The following NUP35 variants were observed in gnomAD, a reference collection of about 807,000 sequenced individuals.
The protein encoded by NUP35 is nucleoporin NUP35.
Under a neutral mutation model 41.5 loss-of-function variants are expected in NUP35, and 25 were observed. The ratio of observed to expected loss-of-function variants is 0.60; its 90% confidence interval spans 0.44 to 0.84. The LOEUF (loss-of-function observed/expected upper bound fraction) is 0.84, where lower values mean the gene tolerates loss of function less well. NUP35 is among the 40% of genes least tolerant of loss of function. The probability of loss-of-function intolerance (pLI) is 0.00; values close to 1 mark genes in which losing one functional copy is unlikely to be tolerated. For missense variants in NUP35, 396 were observed against 396.6 expected (o/e 1.00, Z 0.01); for synonymous variants, 149 against 130.7 (o/e 1.14, Z -0.96).
intron 4 of NUP35, among the ~76,000 whole-genome samples, chr2:183,150,861 T>C (rs371656217): frequency 6.6e-6 from 1 of 152,222 alleles, no homozygotes; most frequent in Non-Finnish European, 1.5e-5. Flanking sequence ...TTCTCTCAAA[T>C]GTATAGCCTT....
intron 3 of NUP35, chr2:183,130,935 C>G (rs965752648): frequency 8.7e-7 from 1 of 1,146,560 alleles, no homozygotes; most frequent in African/African-American, 1.6e-5. Context: ...TCATCTAGAT[C>G]TAGGGCACTC....
intron 1 of NUP35, among the ~76,000 whole-genome samples, chr2:183,125,165 G>T (rs1684403892): frequency 6.6e-6 from 1 of 151,852 alleles, no homozygotes; most frequent in South Asian, 2.1e-4. Flanking sequence ...TTTTTCTCTA[G>T]TAAGTCACGA....
chr2:183,129,562 T>C (rs757741809), intron 2 of NUP35, among the ~76,000 whole-genome samples: 4 of 152,246 alleles, frequency 2.6e-5, no homozygotes, highest in African/African-American at 7.2e-5. Flanking sequence ...TATTTTATTA[T>C]GGTAGCCAAC....
intron 1 of NUP35, among the ~76,000 whole-genome samples, chr2:183,118,159 A>C (rs1700014659): frequency 6.6e-6 from 1 of 152,208 alleles, no homozygotes. Flanking sequence ...CTATGATGAA[A>C]TCTGATGTCC....
At chr2:183,133,222 C>G (rs1164630326) in intron 3 of NUP35, among the ~76,000 whole-genome samples, 2 of 151,898 alleles carry the variant, frequency 1.3e-5, no homozygotes, top group African/African-American at 4.8e-5. Context: ...TCTGTATGAA[C>G]CTGGTCATTT....
At chr2:183,159,742 T>A in intron 8 of NUP35, 90 bp downstream of exon 8, 1 of 1,044,736 alleles carries the variant, frequency 9.6e-7, no homozygotes, top group Non-Finnish European at 1.4e-6. Context: ...TTGTATGCCA[T>A]TAAATGTTTC....
upstream of NUP35, chr2:183,123,696 A>C: frequency 3.3e-6 from 2 of 602,526 alleles, no homozygotes; most frequent in Non-Finnish European, 4.2e-6. Flanking sequence ...TTACACACAC[A>C]TATGCAGAAT....
chr2:183,136,656 A>G (rs571625234), intron 4 of NUP35, among the ~76,000 whole-genome samples: 19 of 152,320 alleles, frequency 1.2e-4, no homozygotes, highest in African/African-American at 4.3e-4. Context: ...TATCAGGCCC[A>G]TGAGGATAAT....
intron 4 of NUP35, among the ~76,000 whole-genome samples, chr2:183,144,288 A>G (rs992663389): frequency 6.6e-6 from 1 of 152,182 alleles, no homozygotes; most frequent in African/African-American, 2.4e-5. Context: ...ATCTATGTCC[A>G]CAGTTTTTAT....
chr2:183,145,544 CACATGTACCCCAT>C (rs975422531), intron 4 of NUP35, among the ~76,000 whole-genome samples: 20 of 152,226 alleles, frequency 1.3e-4, no homozygotes, highest in African/African-American at 4.3e-4. Context: ...AGTATTCCTC[CACATGTACCCCAT>C]ACATTTGTAC....
intron 4 of NUP35, among the ~76,000 whole-genome samples, chr2:183,138,027 A>G (rs1575121140): frequency 6.6e-6 from 1 of 151,860 alleles, no homozygotes; most frequent in Non-Finnish European, 1.5e-5. Flanking sequence ...TAGGAAAAAT[A>G]CCTATCATGA....
intron 6 of NUP35, 106 bp downstream of exon 6, chr2:183,157,619 T>A: frequency 1.3e-6 from 1 of 776,340 alleles, no homozygotes; most frequent in Non-Finnish European, 2.1e-6. Context: ...AACTTAAATT[T>A]TTTTTTGAGT....
At chr2:183,156,763 G>T (rs4441423) in intron 5 of NUP35, among the ~76,000 whole-genome samples, 134,567 of 152,074 alleles carry the variant, frequency 0.88, 59,710 homozygotes, top group East Asian at 0.99. Flanking sequence ...ATTTCTATGC[G>T]ATTGGTAGTG....
chr2:183,151,588 A>G lies in NUP35; in HGVS notation c.478A>G (p.Thr160Ala). The change falls in exon 5 of 9, where the codon ACT (threonine) becomes GCT (alanine). Residue 160 changes from threonine (T) to alanine (A), a missense_variant. Physicochemically the swap from Thr to Ala is moderately conservative, Grantham distance 58. Transcript: ENST00000295119. The stretch of plus-strand genomic sequence containing the variant: ...TCCTGCCCAGTTGGATCCTTTTTAT[A>G]CTCAAGGAGATTCTTTGACTTCAGA... ...LSPAQLDPFY[T>A]QGDSLTSEDH... 1.2e-6 allele frequency: 2 copies of G among 1,613,762 alleles called. No individual in the cohort carries two copies. Among genetic ancestry groups the G allele is most frequent in the Non-Finnish European group, 1.7e-6 (2 of 1,179,744 alleles).
chr2:183,120,425 GAC>G (rs1220445838), upstream of NUP35, among the ~76,000 whole-genome samples: 4 of 136,162 alleles, frequency 2.9e-5, no homozygotes, highest in Non-Finnish European at 3.0e-5. Context: ...CAGCCTGGAT[GAC>G]AGAGTGAGAC....
At chr2:183,160,728 AT>A (rs1685842359) in intron 8 of NUP35, 1 of 157,002 alleles carries the variant, frequency 6.4e-6, no homozygotes, top group Non-Finnish European at 1.4e-5. Context: ...TGCCAAAGGA[AT>A]AAAATTTTGG....
chr2:183,124,828 G>C (rs1266458957), intron 1 of NUP35, among the ~76,000 whole-genome samples: 1 of 152,100 alleles, frequency 6.6e-6, no homozygotes, highest in Non-Finnish European at 1.5e-5. Flanking sequence ...CGCGATGCTG[G>C]TTGCTGGATT....
chr2:183,134,552 G>A (rs1323713231), intron 4 of NUP35, among the ~76,000 whole-genome samples: 1 of 151,710 alleles, frequency 6.6e-6, no homozygotes, highest in African/African-American at 2.4e-5. Context: ...AATGGGTCTT[G>A]GTGGGCTAAA....
At chr2:183,156,827 T>C (rs756147772) in intron 5 of NUP35, among the ~76,000 whole-genome samples, 4 of 152,152 alleles carry the variant, frequency 2.6e-5, no homozygotes, top group Admixed American at 6.6e-5. Context: ...AAAAGAATAA[T>C]ATGTCATTGT....
Sources: allele counts gnomAD v4.1 joint callset (sites outside exome capture counted in the v4.1 genomes callset), GRCh38; gene constraint gnomAD v4.1.1; transcripts MANE v1.5; gene names NCBI Gene and HGNC (gene_info 2026-07-23, HGNC 2026-07-21).